The following FARP1 variants were observed in gnomAD, a reference collection of about 807,000 sequenced individuals.
FARP1 encodes FERM, ARH/RhoGEF and pleckstrin domain protein 1.
FARP1 carries 52 observed loss-of-function variants against 128.8 expected under a neutral mutation model. That is an observed-to-expected ratio of 0.40 (90% CI 0.32 to 0.51). The LOEUF is 0.51. Ranked by LOEUF, FARP1 falls within the 20% of genes least tolerant of loss-of-function variation. The probability of loss-of-function intolerance (pLI) is 0.45; values close to 1 mark genes in which losing one functional copy is unlikely to be tolerated. For missense variants in FARP1, 1,333 were observed against 1,367.9 expected, an observed-to-expected ratio of 0.97 and a Z score of 0.40; for synonymous variants, 580 against 551.8, an observed-to-expected ratio of 1.05 and a Z score of -0.72.
intron 2 of FARP1, among the ~76,000 whole-genome samples, chr13:98,239,160 G>A (rs1481771648): frequency 6.6e-6 from 1 of 152,180 alleles, no homozygotes; most frequent in African/African-American, 2.4e-5. Flanking sequence ...CCAGCATTCA[G>A]TATATTGAAC....
intron 2 of FARP1, among the ~76,000 whole-genome samples, chr13:98,235,757 T>C (rs1222443866): frequency 2.0e-5 from 3 of 151,620 alleles, no homozygotes. Context: ...CTGCCAACCA[T>C]CTAGGCTCAT....
intron 1 of FARP1, among the ~76,000 whole-genome samples, chr13:98,189,096 G>A (rs1369083098): frequency 6.6e-6 from 1 of 152,120 alleles, no homozygotes; most frequent in Non-Finnish European, 1.5e-5. Context: ...AATGGCCCGG[G>A]CTGGGTTGCC....
intron 1 of FARP1, among the ~76,000 whole-genome samples, chr13:98,161,739 T>C (rs964890002): frequency 1.3e-5 from 2 of 152,078 alleles, no homozygotes; most frequent in Non-Finnish European, 2.9e-5. Flanking sequence ...TTTTCTCTCT[T>C]TCTTTCCTTC....
intron 2 of FARP1, among the ~76,000 whole-genome samples, chr13:98,269,397 G>A (rs1002504595): frequency 6.6e-6 from 1 of 152,172 alleles, no homozygotes. Flanking sequence ...GGTCATTTCT[G>A]TTCATTAAGT....
At chr13:98,274,643 C>A (rs1044051208) in intron 2 of FARP1, among the ~76,000 whole-genome samples, 1 of 152,098 alleles carries the variant, frequency 6.6e-6, no homozygotes, top group African/African-American at 2.4e-5. Flanking sequence ...TTTGCTCCAA[C>A]CTAATAATTT....
intron 10 of FARP1, chr13:98,390,599 T>C (rs1824112808): frequency 1.9e-6 from 1 of 525,270 alleles, no homozygotes; most frequent in Non-Finnish European, 3.4e-6. Flanking sequence ...TAATTGAACA[T>C]TTTTTCTGTA....
chr13:98,396,646 T>A (rs1413275162), intron 13 of FARP1: 1 of 397,370 alleles, frequency 2.5e-6, no homozygotes. Context: ...CTGCCTGACT[T>A]CTAAAATCGT....
intron 2 of FARP1, among the ~76,000 whole-genome samples, chr13:98,246,231 G>C (rs532008166): frequency 6.7e-6 from 1 of 149,840 alleles, no homozygotes; most frequent in East Asian, 2.0e-4. Context: ...GAGTAGCTAG[G>C]ACTACAGGCG....
intron 2 of FARP1, chr13:98,332,683 C>T (rs1461626337): frequency 1.3e-5 from 2 of 152,308 alleles, no homozygotes; most frequent in Non-Finnish European, 2.9e-5. Flanking sequence ...TCTTCCCATT[C>T]TCCCAACTGA....
chr13:98,395,813 T>A (rs1450725505), intron 13 of FARP1: 1 of 402,210 alleles, frequency 2.5e-6, no homozygotes, highest in Non-Finnish European at 4.4e-6. Context: ...CATAGCTCTC[T>A]CATAGATGAA....
chr13:98,235,892 C>T (rs375588631), intron 2 of FARP1, among the ~76,000 whole-genome samples: 7 of 145,110 alleles, frequency 4.8e-5, no homozygotes, highest in East Asian at 2.1e-4. Flanking sequence ...GGTGTGATCT[C>T]GGCTCACGGC....
intron 2 of FARP1, among the ~76,000 whole-genome samples, chr13:98,339,863 A>T (rs1217372524): frequency 1.3e-5 from 2 of 152,132 alleles, no homozygotes; most frequent in Non-Finnish European, 2.9e-5. Context: ...TCATCGTTTC[A>T]CTTGTCTCTG....
rs59128917 is a variant in FARP1 at position 98,256,948 on chromosome 13, G to GGTATATATATAT, written c.171+43535_171+43536insGTATATATATAT. Reference sequence around the variant, plus strand: ...CAATAATTTTCAAAGTATATATGTGGATATATATATATATATATATATATA... The same window carrying GGTATATATATAT: ...CAATAATTTTCAAAGTATATATGTGGGTATATATATATATATATATATATATATATATATATA... On this transcript the variant is annotated intron_variant, in intron 2 of 26. Coordinates refer to ENST00000319562, the MANE Select transcript of FARP1 (RefSeq NM_005766.4). Among the ~76,000 whole-genome samples, 51 of 77,090 alleles carry GGTATATATATAT rather than the reference G, an allele frequency of 6.6e-4. 9 individuals are homozygous for GGTATATATATAT. Among genetic ancestry groups the GGTATATATATAT allele is most frequent in the Non-Finnish European group, 1.0e-3 (37 of 37,090 alleles). 50.6% of individuals were successfully genotyped at this position (77,090 alleles called of 152,430 possible).
intron 2 of FARP1, among the ~76,000 whole-genome samples, chr13:98,220,584 A>G (rs112022988): frequency 6.6e-5 from 10 of 152,336 alleles, no homozygotes; most frequent in African/African-American, 2.2e-4. Context: ...ACTTTGATAA[A>G]TGGTGCTTGT....
chr13:98,304,375 T>C (rs1476845610), intron 2 of FARP1, among the ~76,000 whole-genome samples: 1 of 152,208 alleles, frequency 6.6e-6, no homozygotes, highest in East Asian at 1.9e-4. Context: ...TTTAAAATGG[T>C]TTATAGATTA....
Position 98,387,368 on chromosome 13 carries a change from C to T in FARP1, c.760-1015C>T, listed in dbSNP as rs569311524. The stretch of plus-strand genomic sequence containing the variant: ...TTAAATTTCAAATCACAATCCTGAA[C>T]CATTTCTAAAAAGTATTAAGAAGGA... On this transcript the variant is annotated intron_variant, in intron 8 of 26. Transcript: ENST00000319562. Among the ~76,000 whole-genome samples the T allele has an allele frequency of 6.6e-5, 10 of 152,214 alleles. No homozygotes were observed. The South Asian group carries it at 1.9e-3, about 28-fold the overall frequency.
chr13:98,446,212 G>A lies in FARP1; in HGVS notation c.2904+7G>A. 6.3e-7 allele frequency: 1 copy of A among 1,597,230 alleles called. No individual in the cohort carries two copies. Among genetic ancestry groups the A allele is most frequent in the Non-Finnish European group, 8.6e-7 (1 of 1,165,068 alleles). ...CTTCTACAAATCACACCAGGTAAGT[G>A]TCTCGCACAGGGCAGGTGGCCCTGG... On this transcript the variant is annotated splice_region_variant and intron_variant, in intron 25 of 26. Coordinates refer to ENST00000319562, the MANE Select transcript of FARP1 (RefSeq NM_005766.4).
intron 5 of FARP1, among the ~76,000 whole-genome samples, chr13:98,371,251 T>C (rs1889315850): frequency 6.8e-6 from 1 of 146,914 alleles, no homozygotes; most frequent in African/African-American, 2.5e-5. Flanking sequence ...AAATTCTGTT[T>C]TGCCAATAGT....
At chr13:98,359,747 T>A (rs1179160392) in intron 3 of FARP1, among the ~76,000 whole-genome samples, 1 of 152,232 alleles carries the variant, frequency 6.6e-6, no homozygotes, top group Non-Finnish European at 1.5e-5. Flanking sequence ...CTGACAGCAG[T>A]AGGCTGTACC....
Sources: allele counts gnomAD v4.1 joint callset (sites outside exome capture counted in the v4.1 genomes callset), GRCh38; gene constraint gnomAD v4.1.1; transcripts MANE v1.5; gene names NCBI Gene and HGNC (gene_info 2026-07-23, HGNC 2026-07-21).